The following FOXJ2 variants were observed in gnomAD, a reference collection of about 807,000 sequenced individuals.
The protein encoded by FOXJ2 is forkhead box J2, also known as forkhead box protein J2.
Under a neutral mutation model 68.4 loss-of-function variants are expected in FOXJ2, and 18 were observed. The observed-to-expected ratio is 0.26, with a 90% CI of 0.18 to 0.39. FOXJ2 has a LOEUF of 0.39. Ranked by LOEUF, FOXJ2 falls within the 10% of genes least tolerant of loss-of-function variation. The pLI, the probability that FOXJ2 is intolerant of heterozygous loss-of-function variation, is 1.00. For missense variants in FOXJ2, 670 were observed against 726.5 expected (o/e 0.92, Z 0.89); for synonymous variants, 274 against 263.2 (o/e 1.04, Z -0.40).
In FOXJ2 at chr12:8,048,052, G is replaced by A; in HGVS notation, c.988G>A (p.Val330Ile). 1.9e-6 allele frequency: 3 copies of A among 1,613,120 alleles called. No homozygotes were observed. Among genetic ancestry groups the A allele is most frequent in the Non-Finnish European group, 2.5e-6 (3 of 1,179,348 alleles). Residue 330 changes from valine (V) to isoleucine (I), a missense_variant, in exon 7 of 11, where the codon GTA (valine) becomes ATA (isoleucine). Physicochemically the swap from Val to Ile is conservative, Grantham distance 29. Coordinates refer to ENST00000162391, the MANE Select transcript of FOXJ2 (RefSeq NM_018416.3). ...QQAPAQGPSA[V>I]GGAPPLHTPS... ...GGCACCTGCCCAGGGCCCCTCAGCT[G>A]TAGGGGGTGCTCCTCCACTGCACAC...
chr12:8,034,014 T>C (rs534978930), intron 1 of FOXJ2, among the ~76,000 whole-genome samples, 181 bp downstream of exon 1: 33 of 152,228 alleles, frequency 2.2e-4, no homozygotes, highest in Non-Finnish European at 4.4e-4. Flanking sequence ...GCAGAAGCTC[T>C]GAGAAATGGG....
chr12:8,048,820 GAA>G, intron 8 of FOXJ2, 22 bp downstream of exon 8: 2 of 1,598,814 alleles, frequency 1.3e-6, no homozygotes, highest in Non-Finnish European at 1.7e-6. Flanking sequence ...AAGGACGAAG[GAA>G]GAGAGGGATA....
Position 8,051,097 on chromosome 12 carries a change from TC to T in FOXJ2, c.1636+481del, listed in dbSNP as rs1947119061. On this transcript the variant is annotated intron_variant, in intron 10 of 10. Coordinates refer to ENST00000162391, the MANE Select transcript of FOXJ2 (RefSeq NM_018416.3). The stretch of plus-strand genomic sequence containing the variant: ...CCCTTCCATTCCCTTTCCCTTCCCT[TC>T]CCCTTCCCCTTCCCTTCCCTTCCCT... Among the ~76,000 whole-genome samples the T allele has an allele frequency of 5.7e-5, 5 of 87,036 alleles. No homozygotes were observed. In the South Asian group the frequency reaches 1.3e-3, roughly 23 times the overall value. The allele number at this position is 87,036 out of a possible 152,430, so 57.1% of individuals were successfully genotyped here.
At chr12:8,050,244 G>T in intron 9 of FOXJ2, 1 of 986,776 alleles carries the variant, frequency 1.0e-6, no homozygotes, top group Non-Finnish European at 1.3e-6. Context: ...CCAAAGTGTT[G>T]GGATTACAGG....
At chr12:8,046,199 C>G (rs1318762805) in intron 6 of FOXJ2, among the ~76,000 whole-genome samples, 3 of 152,202 alleles carry the variant, frequency 2.0e-5, no homozygotes, top group Non-Finnish European at 2.9e-5. Context: ...GGGGCAGCAG[C>G]AGTACCCTCT....
At chr12:8,034,374 T>C (rs1340515180) in intron 1 of FOXJ2, among the ~76,000 whole-genome samples, 1 of 152,170 alleles carries the variant, frequency 6.6e-6, no homozygotes, top group African/African-American at 2.4e-5. Flanking sequence ...TTCCTGCTCA[T>C]CCTATCTCAG....
At chr12:8,046,226 G>A (rs921452880) in intron 6 of FOXJ2, among the ~76,000 whole-genome samples, 6 of 152,096 alleles carry the variant, frequency 3.9e-5, no homozygotes, top group Non-Finnish European at 8.8e-5. Context: ...GAATCCCTGC[G>A]TTTCATTGTG....
chr12:8,041,206 T>C (rs76325613), intron 2 of FOXJ2, among the ~76,000 whole-genome samples: 5,749 of 152,030 alleles, frequency 0.038, 174 homozygotes, highest in Non-Finnish European at 0.056. Context: ...CTTTTCTTTT[T>C]TTTTTTGTGG....
rs938419429 is a variant in FOXJ2 at position 8,043,890 on chromosome 12, A to C, written c.478-61A>C. ...AAGGAATACCAGCAGAGGGGAAACC[A>C]TGGGTCTTGGGAGGATATTGCGCCT... On this transcript the variant is annotated intron_variant, in intron 4 of 10. Coordinates refer to ENST00000162391, the MANE Select transcript of FOXJ2 (RefSeq NM_018416.3). 6.3e-6 allele frequency: 10 copies of C among 1,583,992 alleles called. No homozygotes were observed. The African/African-American group carries it at 1.4e-4, about 22-fold the overall frequency.
intron 10 of FOXJ2, 152 bp downstream of exon 10, chr12:8,050,772 C>G: frequency 1.1e-6 from 1 of 890,456 alleles, no homozygotes; most frequent in Non-Finnish European, 1.8e-6. Context: ...GATGGGTTAC[C>G]TGCTAAGAAG....
Position 8,034,041 on chromosome 12 carries a change from G to A in FOXJ2, c.-15+208G>A, listed in dbSNP as rs74063106. Among the ~76,000 whole-genome samples, 731 of 152,318 alleles carry A rather than the reference G, an allele frequency of 4.8e-3. 6 individuals carry two copies. The highest frequency in any genetic ancestry group is 0.017 in the African/African-American group (713 of 41,552). ...AGAAATGGGTTTCTTAGTGTTTGGGGACTAAAGGGATGGGATTCATTTTAG... is the reference window on the plus strand; with the variant it reads ...AGAAATGGGTTTCTTAGTGTTTGGGAACTAAAGGGATGGGATTCATTTTAG... On this transcript the variant is annotated intron_variant, in intron 1 of 10. Transcript: ENST00000162391.
chr12:8,033,053 C>G lies in FOXJ2; in HGVS notation c.-795C>G, dbSNP rs1270464079. 20 of 393,556 alleles carry G rather than the reference C, an allele frequency of 5.1e-5. No individual in the cohort carries two copies. The highest frequency in any genetic ancestry group is 7.6e-5 in the Non-Finnish European group (17 of 223,472). 24.4% of individuals were successfully genotyped at this position (393,556 alleles called of 1,614,324 possible). On this transcript the variant is annotated 5_prime_UTR_variant, in exon 1 of 11. Transcript: ENST00000162391. ...TCTCCCCCTGTTGGAGAGAAAAGAC[C>G]CTTACCACTCGGGTGAGGGAAAGAA...
At chr12:8,050,444 T>C in intron 9 of FOXJ2, 78 bp from the exon 10 acceptor site, 1 of 1,553,284 alleles carries the variant, frequency 6.4e-7, no homozygotes, top group Non-Finnish European at 8.7e-7. Flanking sequence ...AGCAAGGGTA[T>C]ATTTTTTTCT....
intron 6 of FOXJ2, among the ~76,000 whole-genome samples, chr12:8,045,720 C>T (rs1042195403): frequency 7.2e-5 from 11 of 151,868 alleles, no homozygotes; most frequent in Admixed American, 3.9e-4. Flanking sequence ...AGCAGTGTCG[C>T]GATCTCGGCT....
intron 1 of FOXJ2, 41 bp from the exon 2 acceptor site, chr12:8,039,778 T>C: frequency 6.6e-7 from 1 of 1,504,950 alleles, no homozygotes; most frequent in Non-Finnish European, 9.1e-7. Context: ...TGAGTATTAC[T>C]TGCCCCCAGT....
intron 6 of FOXJ2, 62 bp from the exon 7 acceptor site, chr12:8,047,820 A>G (rs896702981): frequency 1.3e-6 from 2 of 1,523,142 alleles, no homozygotes; most frequent in East Asian, 2.3e-5. Context: ...AACCCAGGGA[A>G]AATCCCATTT....
At position 8,040,657 on chromosome 12, in the gene FOXJ2, A is replaced by G. The variant is rs986634046; in HGVS notation, c.333+492A>G. 1.3e-5 allele frequency among the ~76,000 whole-genome samples: 2 copies of G among 151,994 alleles called. No individual in the cohort carries two copies. The highest frequency in any genetic ancestry group is 2.9e-5 in the Non-Finnish European group (2 of 68,002). The stretch of plus-strand genomic sequence containing the variant: ...AGGCTGGTCTCGAACTCCAGATCTC[A>G]TTATCCACCCGCCTCAGCCTCCCAA... On this transcript the variant is annotated intron_variant, in intron 2 of 10. Transcript: ENST00000162391. The surrounding 1 kb of genome is among the most constrained non-coding windows in gnomAD (Gnocchi z 4.0).
chr12:8,034,453 A>G (rs1946870667), intron 1 of FOXJ2, among the ~76,000 whole-genome samples: 1 of 152,198 alleles, frequency 6.6e-6, no homozygotes, highest in South Asian at 2.1e-4. Context: ...CATAAAATCC[A>G]AAGGGAAAAT....
rs940431210 is a variant in FOXJ2 at position 8,053,084 on chromosome 12, A to ATAT, written c.*251_*253dup. On this transcript the variant is annotated 3_prime_UTR_variant, in exon 11 of 11. Transcript: ENST00000162391. The surrounding 1 kb of genome is among the most constrained non-coding windows in gnomAD (Gnocchi z 4.1). ...TCCTAGTTCTTTTATTATTATTCTT[A>ATAT]TATTATTATTATTATTATTGGTTAT... 7.0e-5 allele frequency: 13 copies of ATAT among 185,158 alleles called. No homozygotes were observed. The highest frequency in any genetic ancestry group is 1.2e-4 in the East Asian group (1 of 8,164). The allele number at this position is 185,158 out of a possible 1,614,324, so 11.5% of individuals were successfully genotyped here.
Sources: allele counts gnomAD v4.1 joint callset (sites outside exome capture counted in the v4.1 genomes callset), GRCh38; gene constraint gnomAD v4.1.1; non-coding constraint Gnocchi (gnomAD v3.1); transcripts MANE v1.5; gene names NCBI Gene and HGNC (gene_info 2026-07-23, HGNC 2026-07-21).